Variants in GPC5 observed in about 807,000 individuals in gnomAD.
GPC5 encodes the protein glypican-5.
GPC5 carries 47 observed loss-of-function variants against 53.9 expected under a neutral mutation model. That is an observed-to-expected ratio of 0.87 (90% confidence interval 0.69 to 1.11). GPC5 has a LOEUF of 1.11. Ranked by LOEUF, GPC5 falls within the 50% of genes most tolerant of loss-of-function variation. The pLI, the probability that GPC5 is intolerant of heterozygous loss-of-function variation, is 0.00. For synonymous variants in GPC5, 286 were observed against 263.3 expected, an observed-to-expected ratio of 1.09 and a Z score of -0.84; for missense variants, 748 against 713.1, an observed-to-expected ratio of 1.05 and a Z score of -0.56.
intron 6 of GPC5, among the ~76,000 whole-genome samples, chr13:92,124,650 G>T (rs911912650): frequency 7.2e-5 from 11 of 152,134 alleles, no homozygotes; most frequent in Admixed American, 5.2e-4. Flanking sequence ...TACACAGAGA[G>T]CATCTCTACT....
intron 5 of GPC5, among the ~76,000 whole-genome samples, chr13:91,767,466 A>T (rs2138684648): frequency 6.6e-6 from 1 of 152,344 alleles, no homozygotes; most frequent in East Asian, 1.9e-4. Flanking sequence ...ATCTTAATGA[A>T]CTATCAGTTG....
At chr13:92,336,244 G>A (rs7985916) in intron 7 of GPC5, among the ~76,000 whole-genome samples, 61,365 of 151,944 alleles carry the variant, frequency 0.4, 12,534 homozygotes, top group Middle Eastern at 0.52. Flanking sequence ...AGGTATTTTA[G>A]TATAACAATT....
At chr13:91,537,610 T>C (rs1886651839) in intron 2 of GPC5, among the ~76,000 whole-genome samples, 1 of 152,230 alleles carries the variant, frequency 6.6e-6, no homozygotes, top group African/African-American at 2.4e-5. Context: ...GAATTCCTAC[T>C]ATGTTACACA....
At chr13:92,229,593 T>C (rs2042515102) in intron 7 of GPC5, among the ~76,000 whole-genome samples, 1 of 152,150 alleles carries the variant, frequency 6.6e-6, no homozygotes, top group South Asian at 2.1e-4. Context: ...CTATTCTAAA[T>C]AATTTCAGAG....
chr13:92,373,730 A>G (rs1035511279), intron 7 of GPC5, among the ~76,000 whole-genome samples: 17 of 152,166 alleles, frequency 1.1e-4, no homozygotes, highest in African/African-American at 3.9e-4. Flanking sequence ...TATACATCAC[A>G]ACATCCATTC....
chr13:92,585,107 CACCATCT>C (rs1883497978), intron 7 of GPC5, among the ~76,000 whole-genome samples: 2 of 152,110 alleles, frequency 1.3e-5, no homozygotes, highest in African/African-American at 4.8e-5. Context: ...CCTCCTGGGG[CACCATCT>C]AGTGGTGCTA....
chr13:91,721,924 G>A lies in GPC5; in HGVS notation c.1021-6608G>A, dbSNP rs529959775. ...TAAATAACATTCATCAAGACTTAAAGTTGTCTATTTAATGTCATAATTTTA... is the reference window on the plus strand; with the variant it reads ...TAAATAACATTCATCAAGACTTAAAATTGTCTATTTAATGTCATAATTTTA... On this transcript the variant is annotated intron_variant, in intron 3 of 7. Coordinates refer to ENST00000377067, the MANE Select transcript of GPC5 (RefSeq NM_004466.6). Among the ~76,000 whole-genome samples, 6 of 152,206 alleles carry A rather than the reference G, an allele frequency of 3.9e-5. No individual in the cohort carries two copies. The South Asian group carries it at 1.2e-3, about 32-fold the overall frequency.
chr13:92,242,860 A>C (rs2042623752), intron 7 of GPC5, among the ~76,000 whole-genome samples: 1 of 152,160 alleles, frequency 6.6e-6, no homozygotes, highest in Non-Finnish European at 1.5e-5. Flanking sequence ...TATAGCCAAC[A>C]ATCTGTAAGA....
intron 1 of GPC5, among the ~76,000 whole-genome samples, chr13:91,402,109 T>C (rs891718455): frequency 2.0e-5 from 3 of 152,214 alleles, no homozygotes; most frequent in Non-Finnish European, 2.9e-5. Flanking sequence ...TGTTCACACA[T>C]GCAGTAGTTC....
chr13:91,577,987 G>T (rs72641440), intron 2 of GPC5, among the ~76,000 whole-genome samples: 9,151 of 152,198 alleles, frequency 0.06, 358 homozygotes, highest in Non-Finnish European at 0.085. Flanking sequence ...GATTTCTGTG[G>T]CTAGGCCATG....
chr13:91,970,593 T>C (rs1408539012), intron 6 of GPC5, among the ~76,000 whole-genome samples: 1 of 151,644 alleles, frequency 6.6e-6, no homozygotes, highest in African/African-American at 2.4e-5. Flanking sequence ...TGTACCTCAA[T>C]GAAGAAAAAA....
Position 91,546,558 on chromosome 13 carries a change from T to C in GPC5, c.325+97636T>C, listed in dbSNP as rs1255447848. ...TTTCTTCTCAATGTCAGTGTCTTTT[T>C]CATGAATAGGTCTGTGACATTTAAA... On this transcript the variant is annotated intron_variant, in intron 2 of 7. Transcript: ENST00000377067. Among the ~76,000 whole-genome samples, 6 of 152,084 alleles carry C rather than the reference T, an allele frequency of 3.9e-5. No individual in the cohort carries two copies. The East Asian group carries it at 7.7e-4, about 20-fold the overall frequency.
chr13:92,299,060 A>G (rs1314588054), intron 7 of GPC5, among the ~76,000 whole-genome samples: 2 of 152,194 alleles, frequency 1.3e-5, no homozygotes, highest in East Asian at 3.9e-4. Flanking sequence ...ATTTTATAAA[A>G]TTTTGGTTTT....
At chr13:92,412,148 G>A (rs1351904135) in intron 7 of GPC5, among the ~76,000 whole-genome samples, 2 of 152,158 alleles carry the variant, frequency 1.3e-5, no homozygotes, top group East Asian at 1.9e-4. Context: ...CTGTGTCTGT[G>A]AGAATAGTTG....
In GPC5 at chr13:92,232,866, A is replaced by AT. The variant is rs147738049; in HGVS notation, c.1561+87885dup. ...TTGTAGCAGTTATCCAATCTTCCGCATTTTTTTTGACGATTCAAGCAAGAG... is the reference window on the plus strand; with the variant it reads ...TTGTAGCAGTTATCCAATCTTCCGCATTTTTTTTTGACGATTCAAGCAAGAG... On this transcript the variant is annotated intron_variant, in intron 7 of 7. Transcript: ENST00000377067. Among the ~76,000 whole-genome samples, 877 of 152,102 alleles carry AT rather than the reference A, an allele frequency of 5.8e-3. 8 individuals carry two copies. Among genetic ancestry groups the AT allele is most frequent in the African/African-American group, 0.019 (790 of 41,492 alleles).
At position 92,018,636 on chromosome 13, in the gene GPC5, T is replaced by C. The variant is rs183552988; in HGVS notation, c.1401+110579T>C. On this transcript the variant is annotated intron_variant, in intron 6 of 7. Coordinates refer to ENST00000377067, the MANE Select transcript of GPC5 (RefSeq NM_004466.6). ...GTGAAGTTTAAGAAAAAAGCTCAAATTCTGAAGAATTCAAAAGATGTCATT... is the reference window on the plus strand; with the variant it reads ...GTGAAGTTTAAGAAAAAAGCTCAAACTCTGAAGAATTCAAAAGATGTCATT... Among the ~76,000 whole-genome samples the C allele has an allele frequency of 3.0e-4, 45 of 152,200 alleles. No homozygotes were observed. In the East Asian group the frequency reaches 7.5e-3, roughly 25 times the overall value.
intron 5 of GPC5, among the ~76,000 whole-genome samples, chr13:91,859,829 AT>A: frequency 6.6e-6 from 1 of 151,602 alleles, no homozygotes; most frequent in Non-Finnish European, 1.5e-5. Flanking sequence ...AAACATATGT[AT>A]TTTTCCAATA....
intron 6 of GPC5, among the ~76,000 whole-genome samples, chr13:92,075,493 A>G (rs1287175233): frequency 6.6e-6 from 1 of 152,224 alleles, no homozygotes; most frequent in East Asian, 1.9e-4. Context: ...AAAATTTAAT[A>G]TAATCAATAT....
intron 7 of GPC5, among the ~76,000 whole-genome samples, chr13:92,279,045 C>T (rs1053919636): frequency 6.6e-6 from 1 of 151,946 alleles, no homozygotes; most frequent in South Asian, 2.1e-4. Context: ...AATCAGATTT[C>T]CCATTTCTGC....
Sources: allele counts gnomAD v4.1 joint callset (sites outside exome capture counted in the v4.1 genomes callset), GRCh38; gene constraint gnomAD v4.1.1; transcripts MANE v1.5; gene names NCBI Gene and HGNC (gene_info 2026-07-23, HGNC 2026-07-21).